MAP7D2: variants seen among roughly 807,000 people sequenced by gnomAD.
MAP7D2 encodes the protein MAP7 domain-containing protein 2.
Under a neutral mutation model 63.5 loss-of-function variants are expected in MAP7D2, and 33 were observed. The ratio of observed to expected loss-of-function variants is 0.52; its 90% confidence interval spans 0.39 to 0.70. The LOEUF (loss-of-function observed/expected upper bound fraction) is 0.70. Ranked by LOEUF, MAP7D2 falls within the 30% of genes least tolerant of loss-of-function variation. The probability of loss-of-function intolerance (pLI) is 0.00; values close to 1 mark genes in which losing one functional copy is unlikely to be tolerated. For synonymous variants in MAP7D2, 224 were observed against 223.7 expected, an observed-to-expected ratio of 1.00 and a Z score of -0.01; for missense variants, 626 against 604.0, an observed-to-expected ratio of 1.04 and a Z score of -0.38.
chrX:20,060,432 G>GAAAGAAAGAAAGAA (rs2065185967), intron 3 of MAP7D2, among the ~76,000 whole-genome samples: 6 of 69,223 alleles, frequency 8.7e-5, no homozygotes, highest in African/African-American at 3.6e-4. Flanking sequence ...GAGAGAGAGA[G>GAAAGAAAGAAAGAA]AGAAAGAAAG....
chrX:20,013,321 A>G (rs1001510202), intron 13 of MAP7D2, among the ~76,000 whole-genome samples, 189 bp from the exon 14 acceptor site: 1 of 111,597 alleles, frequency 9.0e-6, no homozygotes, highest in Non-Finnish European at 1.9e-5. Flanking sequence ...TTTTTTATTC[A>G]TGGACTACTA....
chrX:20,061,802 T>C (rs2065232069), intron 3 of MAP7D2, among the ~76,000 whole-genome samples: 1 of 112,409 alleles, frequency 8.9e-6, no homozygotes, highest in South Asian at 3.7e-4. Flanking sequence ...CCAGTGACAA[T>C]GCATATGTCA....
intron 1 of MAP7D2, among the ~76,000 whole-genome samples, chrX:20,086,087 T>C (rs1415353398): frequency 8.9e-6 from 1 of 112,593 alleles, no homozygotes; most frequent in Non-Finnish European, 1.9e-5. Flanking sequence ...ACCTTCATTG[T>C]ATGCAAAGAG....
chrX:20,068,913 T>G (rs1464508338), intron 1 of MAP7D2, among the ~76,000 whole-genome samples: 1 of 111,854 alleles, frequency 8.9e-6, no homozygotes, highest in Non-Finnish European at 1.9e-5. Flanking sequence ...TGATTTTATT[T>G]CTGCGTTTGC....
intron 1 of MAP7D2, among the ~76,000 whole-genome samples, chrX:20,111,784 T>A (rs2066750855): frequency 1.8e-5 from 2 of 112,157 alleles, no homozygotes; most frequent in Non-Finnish European, 3.8e-5. Context: ...TTTATTTTTA[T>A]TTTTGAGTCA....
At chrX:20,086,545 T>C (rs983221920) in intron 1 of MAP7D2, among the ~76,000 whole-genome samples, 1 of 111,614 alleles carries the variant, frequency 9.0e-6, no homozygotes, top group Admixed American at 9.5e-5. Flanking sequence ...AGAACAGTGG[T>C]TGGCATCGTA....
intron 5 of MAP7D2, chrX:20,052,253 T>TA (rs1470946884): frequency 1.4e-5 from 2 of 137,945 alleles, no homozygotes; most frequent in African/African-American, 6.3e-5. Flanking sequence ...TTCAGTGACT[T>TA]ATCTGAGCCT....
At chrX:20,082,698 G>A (rs1472983159) in intron 1 of MAP7D2, among the ~76,000 whole-genome samples, 1 of 111,907 alleles carries the variant, frequency 8.9e-6, no homozygotes, top group Non-Finnish European at 1.9e-5. Context: ...GCGCGATCTC[G>A]GCTCACTGCA....
Position 20,013,529 on chromosome X carries a change from T to G in MAP7D2, c.1806+40A>C, listed in dbSNP as rs777813277. The G allele has an allele frequency of 3.7e-6, 4 of 1,081,014 alleles. No individual in the cohort carries two copies. The South Asian group carries it at 6.0e-5, about 16-fold the overall frequency. The allele number at this position is 1,081,014 out of a possible 1,213,427, so 89.1% of individuals were successfully genotyped here. ...AGTGTATTCTGCTGTTCTTTTCTACTTAGTACATAAACTATTAAAATGGTC... is the reference window on the plus strand; with the variant it reads ...AGTGTATTCTGCTGTTCTTTTCTACGTAGTACATAAACTATTAAAATGGTC... On this transcript the variant is annotated intron_variant, in intron 13 of 16. Coordinates refer to ENST00000379643, the MANE Select transcript of MAP7D2 (RefSeq NM_001168465.2).
chrX:20,054,540 T>TGGGTGCTGATTCCCAGTG (rs2065025137), intron 4 of MAP7D2, among the ~76,000 whole-genome samples: 1 of 111,161 alleles, frequency 9.0e-6, no homozygotes, highest in Non-Finnish European at 1.9e-5. Context: ...GCCCGGGCCC[T>TGGGTGCTGATTCCCAGTG]GGGTGCTGAT....
rs374308359 is a variant in MAP7D2 at position 20,025,100 on chromosome X, G to A, written c.1280-17C>T. On this transcript the variant is annotated splice_polypyrimidine_tract_variant and intron_variant, in intron 9 of 16. Transcript: ENST00000379643. ...TCCCCAAGGCTGCACCAGAGGAGAG[G>A]CATCAAGAGGAAAAGATCAAGGGAA... 6.7e-6 allele frequency: 8 copies of A among 1,187,118 alleles called. No individual in the cohort carries two copies. The highest frequency in any genetic ancestry group is 9.0e-6 in the Non-Finnish European group (8 of 886,902).
At chrX:20,064,856 C>A (rs759087417) in intron 1 of MAP7D2, 51 bp from the exon 2 acceptor site, 1 of 1,071,777 alleles carries the variant, frequency 9.3e-7, no homozygotes, top group Non-Finnish European at 1.3e-6. Flanking sequence ...CTTTCCCTAT[C>A]TGCTAAGTAC....
intron 1 of MAP7D2, 115 bp from the exon 2 acceptor site, chrX:20,064,920 C>T: frequency 1.7e-6 from 1 of 572,642 alleles, no homozygotes. Flanking sequence ...CATCATCCAT[C>T]TCCATCACTT....
intron 6 of MAP7D2, among the ~76,000 whole-genome samples, chrX:20,047,171 C>A (rs2064819574): frequency 8.9e-6 from 1 of 112,396 alleles, no homozygotes; most frequent in Admixed American, 9.4e-5. Context: ...CCTCAGGCAG[C>A]CGCCATAAAA....
intron 8 of MAP7D2, 37 bp downstream of exon 8, chrX:20,042,465 A>C (rs145214197): frequency 3.4e-4 from 406 of 1,202,208 alleles, no homozygotes; most frequent in Non-Finnish European, 4.2e-4. Context: ...CTGACTCATG[A>C]CAGTCAGACT....
chrX:20,075,830 T>G (rs1286795641), intron 1 of MAP7D2, among the ~76,000 whole-genome samples: 1 of 112,069 alleles, frequency 8.9e-6, no homozygotes, highest in Non-Finnish European at 1.9e-5. Flanking sequence ...AGGGGAATCA[T>G]ATGGTTACAA....
chrX:20,085,024 T>C (rs1191286604), intron 1 of MAP7D2, among the ~76,000 whole-genome samples: 2 of 111,703 alleles, frequency 1.8e-5, no homozygotes, highest in Non-Finnish European at 3.8e-5. Flanking sequence ...TGCCTCACAA[T>C]CTGGAGTGGG....
intron 1 of MAP7D2, among the ~76,000 whole-genome samples, chrX:20,111,385 T>C (rs2066738884): frequency 1.8e-5 from 2 of 111,963 alleles, no homozygotes; most frequent in South Asian, 7.5e-4. Context: ...GGAGTGGGAA[T>C]GTACAGGAGG....
rs750893579 is a variant in MAP7D2, at chrX:20,016,251, T to A, written c.1487A>T (p.Glu496Val). The A allele has an allele frequency of 4.1e-6, 5 of 1,209,004 alleles. No individual in the cohort carries two copies. The East Asian group carries it at 1.5e-4, about 36-fold the overall frequency. The change falls in exon 11 of 17, where the codon GAA becomes GTA. Residue 496 changes from glutamate to valine, a missense_variant. Transcript: ENST00000379643. ...LRLEEEARKQEEERKRQEEEK... is the reference protein window; with the variant it reads ...LRLEEEARKQVEERKRQEEEK... ...CTCTTCCTGCCGCTTCCTTTCTTCT[T>A]CCTGCTTTCGGGCTTCCTCTTCTAG...
Sources: allele counts gnomAD v4.1 joint callset (sites outside exome capture counted in the v4.1 genomes callset), GRCh38; gene constraint gnomAD v4.1.1; transcripts MANE v1.5; gene names NCBI Gene and HGNC (gene_info 2026-07-23, HGNC 2026-07-21).